The following TSPAN11 variants were observed in gnomAD, a reference collection of about 807,000 sequenced individuals.
TSPAN11 encodes the protein tetraspanin-11.
Under a neutral mutation model 32.9 loss-of-function variants are expected in TSPAN11, and 29 were observed. The observed-to-expected ratio is 0.88, with a 90% confidence interval of 0.66 to 1.20. The LOEUF (loss-of-function observed/expected upper bound fraction) is 1.20, where lower values mean the gene tolerates loss of function less well. TSPAN11 is among the 50% of genes most tolerant of loss of function. The pLI is 0.00. For synonymous variants in TSPAN11, 140 were observed against 141.3 expected, an observed-to-expected ratio of 0.99 and a Z score of 0.07; for missense variants, 283 against 329.1, an observed-to-expected ratio of 0.86 and a Z score of 1.08.
At chr12:31,009,586 C>T in the TSPAN11 span, among the ~76,000 whole-genome samples, 7 of 152,104 alleles carry the variant, frequency 4.6e-5, no homozygotes, top group African/African-American at 1.7e-4. Context: ...AACAGAAGTG[C>T]CACCCCACCT....
chr12:30,959,453 C>G (rs1226710079), intron 2 of TSPAN11, among the ~76,000 whole-genome samples: 1 of 152,088 alleles, frequency 6.6e-6, no homozygotes, highest in Non-Finnish European at 1.5e-5. Context: ...GTTGCTTATC[C>G]AAATCCACAC....
chr12:30,960,030 C>T (rs1009231279), intron 2 of TSPAN11, among the ~76,000 whole-genome samples: 3 of 147,798 alleles, frequency 2.0e-5, no homozygotes, highest in African/African-American at 7.5e-5. Flanking sequence ...GACAGTGTGG[C>T]GGGGAGATGG....
intron 4 of TSPAN11, 147 bp from the exon 5 acceptor site, chr12:30,979,419 C>G (rs1328028754): frequency 2.8e-6 from 2 of 713,576 alleles, no homozygotes; most frequent in Non-Finnish European, 4.8e-6. Context: ...GCTGATGGTC[C>G]CTTACGCTGT....
At chr12:30,972,781 G>A (rs1333956428) in intron 3 of TSPAN11, among the ~76,000 whole-genome samples, 1 of 148,530 alleles carries the variant, frequency 6.7e-6, no homozygotes, top group Non-Finnish European at 1.5e-5. Flanking sequence ...GCCATTCTTG[G>A]CAAAGAGGAA....
intron 1 of TSPAN11, among the ~76,000 whole-genome samples, chr12:30,942,899 T>C (rs1356092726): frequency 6.6e-6 from 1 of 152,192 alleles, no homozygotes; most frequent in Non-Finnish European, 1.5e-5. Flanking sequence ...AAGAGTTGCC[T>C]GAATTCATTT....
At chr12:30,972,354 C>A (rs1308690278) in intron 3 of TSPAN11, among the ~76,000 whole-genome samples, 3 of 152,048 alleles carry the variant, frequency 2.0e-5, no homozygotes. Flanking sequence ...AGCAGGGAGG[C>A]CCCAGAGTCA....
chr12:30,948,073 T>C (rs12310337), intron 1 of TSPAN11, among the ~76,000 whole-genome samples: 12,936 of 152,078 alleles, frequency 0.085, 1,475 homozygotes, highest in African/African-American at 0.26. Flanking sequence ...ATTTCAAAGC[T>C]CCAAAATGAT....
chr12:30,983,009 C>G, intron 6 of TSPAN11, 55 bp from the exon 7 acceptor site: 1 of 1,564,280 alleles, frequency 6.4e-7, no homozygotes, highest in African/African-American at 1.3e-5. Flanking sequence ...CGCCCTCCGT[C>G]CCCACCCATG....
At position 30,992,297 on chromosome 12, in the gene TSPAN11, C is replaced by G; in HGVS notation, c.*382C>G. 1 of 295,634 alleles carries G rather than the reference C, an allele frequency of 3.4e-6. No homozygotes were observed. Among genetic ancestry groups the G allele is most frequent in the Admixed American group, 4.1e-5 (1 of 24,362 alleles). 18.3% of individuals were successfully genotyped at this position (295,634 alleles called of 1,614,324 possible). ...CAGAAAACCCAGGAACCCCGGCACT[C>G]CTGCATTCAGCACGGGATTCCCCCA... On this transcript the variant is annotated 3_prime_UTR_variant, in exon 8 of 8. Transcript: ENST00000546076.
At chr12:31,006,165 A>G in the TSPAN11 span, among the ~76,000 whole-genome samples, 1 of 152,228 alleles carries the variant, frequency 6.6e-6, no homozygotes, top group Non-Finnish European at 1.5e-5. Context: ...TCAAAACCAC[A>G]GAGTTGTCTC....
chr12:30,955,967 C>A (rs1489803159), intron 2 of TSPAN11, among the ~76,000 whole-genome samples: 4 of 152,204 alleles, frequency 2.6e-5, no homozygotes, highest in Non-Finnish European at 5.9e-5. Context: ...CCAGTCCAAC[C>A]CAAACCACTG....
chr12:30,962,239 C>T (rs1938627659), intron 2 of TSPAN11, among the ~76,000 whole-genome samples: 1 of 150,168 alleles, frequency 6.7e-6, no homozygotes, highest in Non-Finnish European at 1.5e-5. Context: ...CCTGGCTCTT[C>T]CACCTGGTGG....
At chr12:30,999,617 G>A (rs150517657), downstream of TSPAN11, among the ~76,000 whole-genome samples, 320 of 152,018 alleles carry the variant, frequency 2.1e-3, 3 homozygotes, top group African/African-American at 6.7e-3. Context: ...CTGAAAGTAC[G>A]GTTTCTACTG....
At chr12:31,008,115 T>C in the TSPAN11 span, among the ~76,000 whole-genome samples, 1 of 7,632 alleles carries the variant, frequency 1.3e-4, no homozygotes, top group African/African-American at 3.7e-4. Flanking sequence ...TTTTTTCTTT[T>C]TTTTTTTTTT....
At chr12:30,978,226 A>G in intron 3 of TSPAN11, 1 of 281,968 alleles carries the variant, frequency 3.5e-6, no homozygotes, top group Non-Finnish European at 6.7e-6. Flanking sequence ...TGCATTTGTA[A>G]CACAGCATTG....
intron 7 of TSPAN11, among the ~76,000 whole-genome samples, chr12:30,990,409 A>C (rs1939288877): frequency 6.6e-6 from 1 of 152,216 alleles, no homozygotes; most frequent in South Asian, 2.1e-4. Context: ...GATAAGATCC[A>C]GAAAATCCCA....
chr12:31,014,199 C>T, the TSPAN11 span, among the ~76,000 whole-genome samples: 7 of 152,254 alleles, frequency 4.6e-5, no homozygotes, highest in South Asian at 1.0e-3. Context: ...CAAAATCAAT[C>T]GTAACATTAT....
At chr12:30,991,712 A>G (rs1939315111) in intron 7 of TSPAN11, 144 bp from the exon 8 acceptor site, 1 of 807,940 alleles carries the variant, frequency 1.2e-6, no homozygotes, top group Non-Finnish European at 2.0e-6. Flanking sequence ...CCACCCTGAC[A>G]TTTTGAGCAG....
In TSPAN11 at chr12:30,944,349, A is replaced by T. The variant is rs994565351; in HGVS notation, c.-11-9632A>T. On this transcript the variant is annotated intron_variant, in intron 1 of 7. Transcript: ENST00000546076. ...CTTGAACTTATTCCTCTTGTCTAAA[A>T]ATTCTGTACCCTTTGACCATCATCT... Among the ~76,000 whole-genome samples the T allele has an allele frequency of 2.6e-5, 4 of 152,272 alleles. No homozygotes were observed. The East Asian group carries it at 7.7e-4, about 29-fold the overall frequency.
Sources: allele counts gnomAD v4.1 joint callset (sites outside exome capture counted in the v4.1 genomes callset), GRCh38; gene constraint gnomAD v4.1.1; transcripts MANE v1.5; gene names NCBI Gene and HGNC (gene_info 2026-07-23, HGNC 2026-07-21).